The following FAIM variants were observed in gnomAD, a reference collection of about 807,000 sequenced individuals.
FAIM encodes fas apoptotic inhibitory molecule 1.
A neutral mutation model predicts 21.2 loss-of-function variants in FAIM; 14 were observed. The observed-to-expected ratio is 0.66, with a 90% CI of 0.44 to 1.03. The LOEUF (loss-of-function observed/expected upper bound fraction) is 1.03. Among genes scored for constraint, FAIM ranks in the 50% least tolerant of loss-of-function variants. FAIM has a pLI of 0.00. For synonymous variants in FAIM, 86 were observed against 80.4 expected (o/e 1.07, Z -0.37); for missense variants, 222 against 247.1 (o/e 0.90, Z 0.68).
At chr3:138,613,208 TG>T (rs1421643783) in intron 1 of FAIM, among the ~76,000 whole-genome samples, 4 of 151,910 alleles carry the variant, frequency 2.6e-5, no homozygotes, top group African/African-American at 9.7e-5. Context: ...TTAGTAGAAA[TG>T]GGGTTTCACC....
chr3:138,619,344 T>TA (rs1306547546), intron 1 of FAIM, among the ~76,000 whole-genome samples: 3 of 152,246 alleles, frequency 2.0e-5, no homozygotes, highest in Admixed American at 6.5e-5. Flanking sequence ...TGGGGCTTCT[T>TA]ACGCTTCAAC....
intron 1 of FAIM, among the ~76,000 whole-genome samples, chr3:138,611,397 C>G (rs186747677): frequency 5.3e-5 from 8 of 151,876 alleles, no homozygotes; most frequent in African/African-American, 1.7e-4. Context: ...ATATATACAA[C>G]ATAGATTTGC....
chr3:138,621,647 T>C (rs1468628811), intron 3 of FAIM, 108 bp downstream of exon 3: 1 of 952,338 alleles, frequency 1.1e-6, no homozygotes, highest in Non-Finnish European at 1.5e-6. Context: ...CTTGTAGTCA[T>C]GTTTTTGATC....
chr3:138,623,049 A>T (rs1388107204), intron 4 of FAIM, among the ~76,000 whole-genome samples: 1 of 152,206 alleles, frequency 6.6e-6, no homozygotes, highest in African/African-American at 2.4e-5. Context: ...AAAAAAAAAA[A>T]AAAAGTAATA....
chr3:138,625,715 T>A (rs1210946439), intron 4 of FAIM, among the ~76,000 whole-genome samples: 2 of 152,230 alleles, frequency 1.3e-5, no homozygotes, highest in Admixed American at 6.5e-5. Flanking sequence ...GATACTATAC[T>A]AGGCACTTTA....
chr3:138,632,824 TAATAC>T, intron 5 of FAIM, 101 bp from the exon 6 acceptor site: 1 of 1,095,386 alleles, frequency 9.1e-7, no homozygotes, highest in Non-Finnish European at 1.3e-6. Flanking sequence ...ATTGTTTAAC[TAATAC>T]ATTATTTTAT....
At chr3:138,610,713 G>A in intron 1 of FAIM, 1 of 329,786 alleles carries the variant, frequency 3.0e-6, no homozygotes, top group Admixed American at 4.6e-5. Flanking sequence ...CTCCGGAGTA[G>A]CTGGGATTTA....
At chr3:138,625,803 T>C (rs1396789970) in intron 4 of FAIM, among the ~76,000 whole-genome samples, 2 of 152,184 alleles carry the variant, frequency 1.3e-5, no homozygotes, top group African/African-American at 2.4e-5. Context: ...AAATGGAAGC[T>C]CAGAGTGGTG....
At position 138,622,227 on chromosome 3, in the gene FAIM, A is replaced by C; in HGVS notation, c.217A>C (p.Lys73Gln). ...AGAGTGGATGTTCAAATTAGTGGGC[A>C]AAGAAACATTCTATGTTGGAGCTGC... ...RKEWMFKLVG[K>Q]ETFYVGAAKT... Residue 73 changes from lysine (K) to glutamine (Q), a missense_variant, in exon 4 of 6, where the codon AAA (lysine) becomes CAA (glutamine). Coordinates refer to ENST00000360570, the MANE Select transcript of FAIM (RefSeq NM_001033031.2). 6.2e-7 allele frequency: 1 copy of C among 1,612,934 alleles called. No individual in the cohort carries two copies. The highest frequency in any genetic ancestry group is 8.5e-7 in the Non-Finnish European group (1 of 1,179,706).
intron 4 of FAIM, among the ~76,000 whole-genome samples, chr3:138,628,539 C>A (rs1028159156): frequency 6.6e-6 from 1 of 151,688 alleles, no homozygotes; most frequent in Non-Finnish European, 1.5e-5. Flanking sequence ...GGCTAGAGTG[C>A]AGTGGTGCGG....
chr3:138,624,972 C>T (rs936213555), intron 4 of FAIM, among the ~76,000 whole-genome samples: 1 of 151,910 alleles, frequency 6.6e-6, no homozygotes, highest in Non-Finnish European at 1.5e-5. Flanking sequence ...TCAAGACCAG[C>T]CTGGGCAACA....
At chr3:138,612,303 G>T (rs940204128) in intron 1 of FAIM, among the ~76,000 whole-genome samples, 7 of 151,842 alleles carry the variant, frequency 4.6e-5, no homozygotes, top group African/African-American at 1.7e-4. Flanking sequence ...GGGTTTCACC[G>T]TGTTAGCCAG....
At chr3:138,610,857 A>T in intron 1 of FAIM, 1 of 936,006 alleles carries the variant, frequency 1.1e-6, no homozygotes, top group Non-Finnish European at 1.7e-6. Context: ...TGCTGGGATT[A>T]CGGGGTGTGA....
chr3:138,628,304 C>T (rs1171460607), intron 4 of FAIM, among the ~76,000 whole-genome samples: 5 of 152,068 alleles, frequency 3.3e-5, no homozygotes, highest in African/African-American at 9.7e-5. Context: ...AGCGGACATG[C>T]TGTCTATCCT....
At chr3:138,620,505 T>G (rs1383714179) in intron 2 of FAIM, among the ~76,000 whole-genome samples, 1 of 152,232 alleles carries the variant, frequency 6.6e-6, no homozygotes, top group East Asian at 1.9e-4. Context: ...CTTTATTTAT[T>G]TCTTATTTTT....
At chr3:138,632,090 C>T (rs932641495) in intron 5 of FAIM, among the ~76,000 whole-genome samples, 5 of 151,654 alleles carry the variant, frequency 3.3e-5, no homozygotes, top group Non-Finnish European at 5.9e-5. Flanking sequence ...TCCTTCTCTG[C>T]GCTACCTGGC....
chr3:138,624,987 G>A (rs915534015), intron 4 of FAIM, among the ~76,000 whole-genome samples: 1 of 151,994 alleles, frequency 6.6e-6, no homozygotes, highest in Non-Finnish European at 1.5e-5. Context: ...GCAACATAGG[G>A]AGACCTCATC....
intron 1 of FAIM, among the ~76,000 whole-genome samples, chr3:138,615,668 T>A (rs539463579): frequency 1.3e-5 from 2 of 152,362 alleles, no homozygotes; most frequent in East Asian, 3.9e-4. Flanking sequence ...GTGCATTTGA[T>A]GAGTTGACTA....
chr3:138,610,350 A>G (rs1017801380), intron 1 of FAIM, among the ~76,000 whole-genome samples: 1 of 152,206 alleles, frequency 6.6e-6, no homozygotes, highest in Non-Finnish European at 1.5e-5. Flanking sequence ...GAGATACGCA[A>G]AAAGCTTTCT....
Sources: allele counts gnomAD v4.1 joint callset (sites outside exome capture counted in the v4.1 genomes callset), GRCh38; gene constraint gnomAD v4.1.1; transcripts MANE v1.5; gene names NCBI Gene and HGNC (gene_info 2026-07-23, HGNC 2026-07-21).